PAFAH1B1: variants seen among roughly 807,000 people sequenced by gnomAD.
PAFAH1B1 encodes platelet-activating factor acetylhydrolase IB subunit beta.
In PAFAH1B1, 2 loss-of-function variants were observed where a neutral mutation model predicts 57.5. That is an observed-to-expected ratio of 0.03 (90% CI 0.01 to 0.11). PAFAH1B1 has a LOEUF of 0.11. Ranked by LOEUF, PAFAH1B1 falls within the 10% of genes least tolerant of loss-of-function variation. The pLI is 1.00. For missense variants in PAFAH1B1, 257 were observed against 512.0 expected (o/e 0.50, Z 4.81); for synonymous variants, 152 against 169.6 (o/e 0.90, Z 0.81).
Position 2,666,051 on chromosome 17 carries a change from G to A in PAFAH1B1, c.153G>A (p.Leu51=). ...EELDKKYAGL[L]EKKWTSVIRL... is the part of the protein sequence containing the mutation. Reference sequence around the variant, plus strand: ...TAGATAAAAAGTATGCTGGTCTTTTGGAAAAAAAATGGACATCTGTTATTA... The same window carrying A: ...TAGATAAAAAGTATGCTGGTCTTTTAGAAAAAAAATGGACATCTGTTATTA... Residue 51 remains leucine, a synonymous_variant, in exon 4 of 11, where the codon TTG becomes TTA. Coordinates refer to ENST00000397195, the MANE Select transcript of PAFAH1B1 (RefSeq NM_000430.4). The A allele has an allele frequency of 6.6e-7, 1 of 1,518,864 alleles. No individual in the cohort carries two copies. Among genetic ancestry groups the A allele is most frequent in the Non-Finnish European group, 9.0e-7 (1 of 1,112,734 alleles). 94.1% of individuals were successfully genotyped at this position (1,518,864 alleles called of 1,614,324 possible).
chr17:2,614,787 T>C (rs955333844), intron 1 of PAFAH1B1, among the ~76,000 whole-genome samples: 2 of 152,052 alleles, frequency 1.3e-5, no homozygotes, highest in African/African-American at 4.8e-5. Context: ...TGAGTCTTGC[T>C]GCGTTGCCCA....
intron 1 of PAFAH1B1, among the ~76,000 whole-genome samples, chr17:2,601,512 G>A (rs938427008): frequency 6.6e-6 from 1 of 152,034 alleles, no homozygotes; most frequent in Non-Finnish European, 1.5e-5. Flanking sequence ...CATGATCTTG[G>A]CTTACTTCAA....
intron 1 of PAFAH1B1, among the ~76,000 whole-genome samples, chr17:2,614,470 T>C (rs767554703): frequency 8.5e-5 from 13 of 152,264 alleles, no homozygotes; most frequent in African/African-American, 3.1e-4. Flanking sequence ...GAACATAAGA[T>C]AGAAAGCAGC....
intron 1 of PAFAH1B1, among the ~76,000 whole-genome samples, chr17:2,606,310 A>C (rs1308786054): frequency 6.6e-6 from 1 of 152,182 alleles, no homozygotes; most frequent in Non-Finnish European, 1.5e-5. Context: ...GTTACCTGTC[A>C]GAAAGCCTAT....
At chr17:2,596,577 G>A (rs924859467) in intron 1 of PAFAH1B1, among the ~76,000 whole-genome samples, 2 of 152,110 alleles carry the variant, frequency 1.3e-5, no homozygotes, top group African/African-American at 4.8e-5. Flanking sequence ...CATATAGGTG[G>A]TAAATGTGAC....
chr17:2,664,894 G>C (rs1439334117), intron 2 of PAFAH1B1, among the ~76,000 whole-genome samples: 1 of 151,870 alleles, frequency 6.6e-6, no homozygotes, highest in Non-Finnish European at 1.5e-5. Context: ...CACTCCAATG[G>C]TTCAAAGTTA....
At chr17:2,679,578 T>TTGGA (rs1242747031) in intron 9 of PAFAH1B1, 2 of 123,948 alleles carry the variant, frequency 1.6e-5, no homozygotes, top group African/African-American at 6.4e-5. Flanking sequence ...AGATGGATGA[T>TTGGA]TGGATGGATA....
intron 9 of PAFAH1B1, among the ~76,000 whole-genome samples, chr17:2,676,971 G>A (rs6502460): frequency 6.6e-6 from 1 of 151,962 alleles, no homozygotes; most frequent in East Asian, 1.9e-4. Context: ...GCTAACTTGG[G>A]GAAATCCCGT....
chr17:2,632,588 G>C (rs1438836439), intron 1 of PAFAH1B1, among the ~76,000 whole-genome samples: 3 of 152,002 alleles, frequency 2.0e-5, no homozygotes, highest in Non-Finnish European at 4.4e-5. Flanking sequence ...CTGTATCTGT[G>C]GGTTCTGCAT....
chr17:2,647,396 T>C (rs554590722), intron 2 of PAFAH1B1, among the ~76,000 whole-genome samples: 1 of 152,040 alleles, frequency 6.6e-6, no homozygotes, highest in African/African-American at 2.4e-5. Context: ...TAGCTGGGCA[T>C]GGTGGCACAC....
At chr17:2,620,628 C>T (rs374346485) in intron 1 of PAFAH1B1, among the ~76,000 whole-genome samples, 2 of 152,160 alleles carry the variant, frequency 1.3e-5, no homozygotes, top group African/African-American at 4.8e-5. Flanking sequence ...CTTTGGGAGG[C>T]CGAGGTCGGT....
intron 1 of PAFAH1B1, among the ~76,000 whole-genome samples, chr17:2,622,018 C>T (rs1231501946): frequency 6.6e-6 from 1 of 152,124 alleles, no homozygotes; most frequent in Non-Finnish European, 1.5e-5. Flanking sequence ...CCCATCCGAT[C>T]TCGTGAGACT....
At position 2,684,068 on chromosome 17, in the gene PAFAH1B1, T is replaced by C; in HGVS notation, c.*2266T>C. On this transcript the variant is annotated 3_prime_UTR_variant, in exon 11 of 11. Coordinates refer to ENST00000397195, the MANE Select transcript of PAFAH1B1 (RefSeq NM_000430.4). The stretch of plus-strand genomic sequence containing the variant: ...ACAAAGGAGGAGGAAACGATTACTC[T>C]GTAAACAAAGTTATCCTTACTTGGG... 6.5e-6 allele frequency: 1 copy of C among 152,776 alleles called. No individual in the cohort carries two copies. 9.5% of individuals were successfully genotyped at this position (152,776 alleles called of 1,614,324 possible). A position where few individuals can be genotyped will look rare whatever the true frequency, so the allele number is the denominator to read the frequency against.
chr17:2,681,953 AG>A lies in PAFAH1B1; in HGVS notation c.*152del. On this transcript the variant is annotated 3_prime_UTR_variant, in exon 11 of 11. Coordinates refer to ENST00000397195, the MANE Select transcript of PAFAH1B1 (RefSeq NM_000430.4). The stretch of plus-strand genomic sequence containing the variant: ...TGAGCTTATTAAATGTTACACACAA[AG>A]TATTCATGCATGGTGAATCCAAATT... 1.6e-6 allele frequency: 1 copy of A among 625,778 alleles called. No homozygotes were observed. The highest frequency in any genetic ancestry group is 2.8e-6 in the Non-Finnish European group (1 of 356,370). 38.8% of individuals were successfully genotyped at this position (625,778 alleles called of 1,614,324 possible).
chr17:2,610,050 C>T (rs1305721076), intron 1 of PAFAH1B1, among the ~76,000 whole-genome samples: 2 of 152,238 alleles, frequency 1.3e-5, no homozygotes, highest in Non-Finnish European at 2.9e-5. Flanking sequence ...TCTTGAACTC[C>T]TGGCCTCAAA....
At chr17:2,622,844 C>T (rs965851058) in intron 1 of PAFAH1B1, among the ~76,000 whole-genome samples, 1 of 152,316 alleles carries the variant, frequency 6.6e-6, no homozygotes, top group African/African-American at 2.4e-5. Flanking sequence ...GGCATCTGGA[C>T]GTTTCCATAC....
rs1443562614 is a variant in PAFAH1B1, at chr17:2,683,643, AG to A, written c.*1843del. On this transcript the variant is annotated 3_prime_UTR_variant, in exon 11 of 11. Transcript: ENST00000397195. ...TTTTGAGAACTAATGGCTATTTTTG[AG>A]GACAAAAATTACATCTTAAGCTAAT... 6.6e-6 allele frequency: 1 copy of A among 152,564 alleles called. No individual in the cohort carries two copies. Among genetic ancestry groups the A allele is most frequent in the Non-Finnish European group, 1.5e-5 (1 of 68,038 alleles). 9.5% of individuals were successfully genotyped at this position (152,564 alleles called of 1,614,324 possible).
At chr17:2,623,774 A>AGATGGGATCCCAGCCACG (rs1368419263) in intron 1 of PAFAH1B1, among the ~76,000 whole-genome samples, 1 of 145,238 alleles carries the variant, frequency 6.9e-6, no homozygotes, top group Non-Finnish European at 1.5e-5. Context: ...TCCCAGCCAC[A>AGATGGGATCCCAGCCACG]GTAGCTGGGA....
chr17:2,639,514 C>T (rs2068669283), intron 2 of PAFAH1B1: 1 of 152,054 alleles, frequency 6.6e-6, no homozygotes. Flanking sequence ...AGGTGAAGAA[C>T]ATAGGGGGAT....
Sources: allele counts gnomAD v4.1 joint callset (sites outside exome capture counted in the v4.1 genomes callset), GRCh38; gene constraint gnomAD v4.1.1; transcripts MANE v1.5; gene names NCBI Gene and HGNC (gene_info 2026-07-23, HGNC 2026-07-21).